CTNNA3: variants seen among roughly 807,000 people sequenced by gnomAD.
CTNNA3 encodes the protein catenin alpha-3.
In CTNNA3, 76 loss-of-function variants were observed where a neutral mutation model predicts 95.7. The observed-to-expected ratio is 0.79, with a 90% CI of 0.66 to 0.96. The LOEUF is 0.96. Among genes scored for constraint, CTNNA3 ranks in the 40% least tolerant of loss-of-function variants. The pLI, the probability that CTNNA3 is intolerant of heterozygous loss-of-function variation, is 0.00. For missense variants in CTNNA3, 1,191 were observed against 1,089.8 expected, an observed-to-expected ratio of 1.09 and a Z score of -1.31; for synonymous variants, 431 against 374.4, an observed-to-expected ratio of 1.15 and a Z score of -1.74.
At chr10:67,145,215 TA>T (rs1210856839) in intron 7 of CTNNA3, among the ~76,000 whole-genome samples, 2 of 152,124 alleles carry the variant, frequency 1.3e-5, no homozygotes, top group African/African-American at 4.8e-5. Context: ...CAGAACACCT[TA>T]ACATATATAA....
chr10:66,456,273 T>A (rs910686696), intron 11 of CTNNA3, among the ~76,000 whole-genome samples: 4 of 152,168 alleles, frequency 2.6e-5, no homozygotes, highest in Admixed American at 6.6e-5. Context: ...TCACCCTACC[T>A]AAATTTAAAA....
At chr10:66,056,169 T>C (rs2169666) in intron 15 of CTNNA3, among the ~76,000 whole-genome samples, 35,448 of 151,954 alleles carry the variant, frequency 0.23, 4,160 homozygotes, top group Admixed American at 0.26. Context: ...TTGTTATATA[T>C]AGCGTTTATC....
chr10:66,472,358 T>C (rs1839167710), intron 11 of CTNNA3, among the ~76,000 whole-genome samples: 1 of 151,916 alleles, frequency 6.6e-6, no homozygotes, highest in African/African-American at 2.4e-5. Flanking sequence ...TGTATTATCC[T>C]ATAACAGATG....
At chr10:67,233,798 A>G (rs1371877255) in intron 5 of CTNNA3, among the ~76,000 whole-genome samples, 1 of 152,076 alleles carries the variant, frequency 6.6e-6, no homozygotes, top group Non-Finnish European at 1.5e-5. Context: ...GAGAAGAATC[A>G]AATAGATGCA....
intron 1 of CTNNA3, among the ~76,000 whole-genome samples, chr10:67,716,107 C>A (rs1841141316): frequency 6.6e-6 from 1 of 152,038 alleles, no homozygotes; most frequent in Admixed American, 6.6e-5. Context: ...TTTAAGGTTT[C>A]ATTATTAAAA....
At chr10:65,961,715 C>T (rs1481442408) in intron 17 of CTNNA3, among the ~76,000 whole-genome samples, 2 of 151,382 alleles carry the variant, frequency 1.3e-5, no homozygotes, top group East Asian at 2.0e-4. Flanking sequence ...GCATACCTTG[C>T]AGTGAAATAT....
Position 67,147,192 on chromosome 10 carries a change from T to C in CTNNA3, c.1047+33125A>G, listed in dbSNP as rs184276117. On this transcript the variant is annotated intron_variant, in intron 7 of 17. Transcript: ENST00000433211. The stretch of plus-strand genomic sequence containing the variant: ...CTGTTCAAATTGCAATTTGTAGTCT[T>C]TTAAATGAATACAACTTAAGTAGAT... Among the ~76,000 whole-genome samples, 439 of 152,342 alleles carry C rather than the reference T, an allele frequency of 2.9e-3. 2 individuals carry two copies. Among genetic ancestry groups the C allele is most frequent in the African/African-American group, 0.01 (416 of 41,588 alleles).
At chr10:67,641,567 C>T (rs989660879) in intron 2 of CTNNA3, among the ~76,000 whole-genome samples, 132 of 152,212 alleles carry the variant, frequency 8.7e-4, no homozygotes, top group African/African-American at 3.1e-3. Context: ...CGTATGTTTA[C>T]TGCAGCACTA....
chr10:67,018,419 C>T (rs984348854), intron 7 of CTNNA3, among the ~76,000 whole-genome samples: 1 of 152,184 alleles, frequency 6.6e-6, no homozygotes, highest in Non-Finnish European at 1.5e-5. Context: ...TGTCCAAAAC[C>T]ACATTTGTAT....
intron 5 of CTNNA3, among the ~76,000 whole-genome samples, chr10:67,397,411 G>T (rs949601686): frequency 9.9e-5 from 15 of 152,190 alleles, no homozygotes; most frequent in African/African-American, 3.6e-4. Flanking sequence ...GCAGCATTTT[G>T]CCCCTGCCCT....
intron 11 of CTNNA3, among the ~76,000 whole-genome samples, chr10:66,389,813 A>C (rs1464760255): frequency 1.3e-5 from 2 of 151,642 alleles, no homozygotes; most frequent in Non-Finnish European, 2.9e-5. Context: ...ATCATAGCTC[A>C]TTGCAACCTC....
At chr10:66,668,477 A>G (rs1004814074) in intron 9 of CTNNA3, among the ~76,000 whole-genome samples, 5 of 151,702 alleles carry the variant, frequency 3.3e-5, no homozygotes, top group African/African-American at 1.2e-4. Flanking sequence ...CCACATATAT[A>G]CATACATACA....
At chr10:67,186,814 T>A (rs1242490710) in intron 6 of CTNNA3, among the ~76,000 whole-genome samples, 3 of 152,188 alleles carry the variant, frequency 2.0e-5, no homozygotes, top group Admixed American at 1.3e-4. Flanking sequence ...TATACTTACC[T>A]CCTTAATAAT....
rs2133093532 is a variant in CTNNA3 at position 65,916,294 on chromosome 10, A to G, written c.*4036T>C. On this transcript the variant is annotated 3_prime_UTR_variant, in exon 18 of 18. Transcript: ENST00000433211. ...AAATGAATATTTGATTCCTAAATAT[A>G]CAATAGGCAGGCTGTCTTGGCAAAA... The G allele has an allele frequency of 6.6e-6, 1 of 152,286 alleles. No individual in the cohort carries two copies. The highest frequency in any genetic ancestry group is 1.9e-4 in the East Asian group (1 of 5,190). The allele number at this position is 152,286 out of a possible 1,614,324, so 9.4% of individuals were successfully genotyped here.
chr10:67,008,852 T>A (rs73326916), intron 7 of CTNNA3, among the ~76,000 whole-genome samples: 2,474 of 152,304 alleles, frequency 0.016, 86 homozygotes, highest in African/African-American at 0.056. Flanking sequence ...TTTTCAGTGT[T>A]TTCTTGTTTT....
intron 7 of CTNNA3, among the ~76,000 whole-genome samples, chr10:66,827,516 G>GA (rs1179377383): frequency 1.3e-5 from 2 of 152,080 alleles, no homozygotes; most frequent in African/African-American, 4.8e-5. Context: ...CAATATAGTG[G>GA]AAAAAGTCTC....
intron 11 of CTNNA3, among the ~76,000 whole-genome samples, chr10:66,476,521 T>A (rs1219476236): frequency 6.6e-6 from 1 of 152,130 alleles, no homozygotes; most frequent in African/African-American, 2.4e-5. Context: ...GCAATTGAGT[T>A]TTTTCTAAAA....
intron 12 of CTNNA3, among the ~76,000 whole-genome samples, chr10:66,342,397 A>G (rs144520407): frequency 1.8e-4 from 27 of 152,234 alleles, no homozygotes; most frequent in African/African-American, 5.8e-4. Context: ...GTGTGTATTT[A>G]TAAATGACAG....
At chr10:67,683,534 T>C (rs142446559) in intron 1 of CTNNA3, among the ~76,000 whole-genome samples, 2 of 152,346 alleles carry the variant, frequency 1.3e-5, no homozygotes, top group East Asian at 3.9e-4. Context: ...TTTGAACTGA[T>C]GCCACCCCTA....
Sources: gnomAD v4.1 joint callset for allele counts (sites outside exome capture counted in the v4.1 genomes callset) on GRCh38, gnomAD v4.1.1 for gene constraint, MANE v1.5 for transcripts, NCBI Gene and HGNC (gene_info 2026-07-23, HGNC 2026-07-21) for gene names.